The following PLXNA4 variants were observed in gnomAD, a reference collection of about 807,000 sequenced individuals.
The protein encoded by PLXNA4 is plexin A4, also known as plexin-A4.
PLXNA4 carries 44 observed loss-of-function variants against 191.8 expected under a neutral mutation model. The ratio of observed to expected loss-of-function variants is 0.23; its 90% CI spans 0.18 to 0.29. The LOEUF is 0.29. Among genes scored for constraint, PLXNA4 ranks in the 10% least tolerant of loss-of-function variants. PLXNA4 has a pLI of 1.00. For synonymous variants in PLXNA4, 1,082 were observed against 1,009.5 expected, an observed-to-expected ratio of 1.07 and a Z score of -1.36; for missense variants, 1,800 against 2,488.8, an observed-to-expected ratio of 0.72 and a Z score of 5.89.
At position 132,198,568 on chromosome 7, in the gene PLXNA4, C is replaced by T. The variant is rs764257252; in HGVS notation, c.2655G>A (p.Leu885=). The stretch of plus-strand genomic sequence containing the variant: ...CATGGGAGGCGATGTCGCGAAATTC[C>T]AGGCCCAGGTTCTCCCCTCGGATAG... ...KVTIRGENLG[L]EFRDIASHVK... The change falls in exon 13 of 32, where the codon CTG becomes CTA. Residue 885 remains leucine (L), a synonymous_variant. Coordinates refer to ENST00000321063, the MANE Select transcript of PLXNA4 (RefSeq NM_020911.2). 123 of 1,614,136 alleles carry T rather than the reference C, an allele frequency of 7.6e-5. No individual in the cohort carries two copies. The highest frequency in any genetic ancestry group is 1.0e-4 in the Non-Finnish European group (122 of 1,180,064).
At chr7:132,625,529 G>A (rs1803353405) in intron 2 of PLXNA4, among the ~76,000 whole-genome samples, 1 of 152,134 alleles carries the variant, frequency 6.6e-6, no homozygotes, top group South Asian at 2.1e-4. Flanking sequence ...TCAAGCACCA[G>A]AGAGACCATC....
intron 3 of PLXNA4, among the ~76,000 whole-genome samples, chr7:132,356,899 T>C (rs1224626677): frequency 6.6e-6 from 1 of 152,150 alleles, no homozygotes; most frequent in African/African-American, 2.4e-5. Context: ...GAACATGTAT[T>C]AGAGAGTCAA....
chr7:132,142,373 T>G (rs1183146496), intron 29 of PLXNA4, among the ~76,000 whole-genome samples: 1 of 152,326 alleles, frequency 6.6e-6, no homozygotes, highest in South Asian at 2.1e-4. Context: ...TTCTCACTGA[T>G]GGTAATAGTT....
intron 4 of PLXNA4, among the ~76,000 whole-genome samples, chr7:132,276,443 C>T (rs1800283497): frequency 6.6e-6 from 1 of 152,170 alleles, no homozygotes; most frequent in Non-Finnish European, 1.5e-5. Context: ...TGCAATGACC[C>T]CCCCTTTCCC....
intron 2 of PLXNA4, among the ~76,000 whole-genome samples, chr7:132,587,011 T>C (rs1563187754): frequency 1.3e-5 from 2 of 152,148 alleles, no homozygotes; most frequent in Non-Finnish European, 2.9e-5. Context: ...GTCAATGGGA[T>C]CGTAAGCTGT....
intron 8 of PLXNA4, among the ~76,000 whole-genome samples, chr7:132,224,620 A>G (rs1474502371): frequency 6.6e-6 from 1 of 152,208 alleles, no homozygotes; most frequent in Non-Finnish European, 1.5e-5. Flanking sequence ...TATGGGCTTA[A>G]TGAAAGCTTC....
chr7:132,356,964 G>A lies in PLXNA4; in HGVS notation c.1372-58742C>T, dbSNP rs995627861. ...GATGAGGAAGACAGAGGGGCCTGGG[G>A]AAGGATTCCTAAGGAAGGTTGTGAA... On this transcript the variant is annotated intron_variant, in intron 3 of 31. Coordinates refer to ENST00000321063, the MANE Select transcript of PLXNA4 (RefSeq NM_020911.2). 3.9e-5 allele frequency among the ~76,000 whole-genome samples: 6 copies of A among 152,258 alleles called. No individual in the cohort carries two copies. The East Asian group carries it at 5.8e-4, about 15-fold the overall frequency.
chr7:132,159,407 C>T, intron 25 of PLXNA4, 66 bp downstream of exon 25: 1 of 1,586,298 alleles, frequency 6.3e-7, no homozygotes, highest in Non-Finnish European at 8.6e-7. Context: ...CCTCTGCTGA[C>T]AGGAGAAGGT....
intron 3 of PLXNA4, among the ~76,000 whole-genome samples, chr7:132,343,339 C>G (rs983970336): frequency 6.6e-6 from 1 of 152,208 alleles, no homozygotes; most frequent in African/African-American, 2.4e-5. Flanking sequence ...ACCATCCATT[C>G]ATCCATGGAA....
intron 1 of PLXNA4, among the ~76,000 whole-genome samples, chr7:132,562,453 C>CTTCTCCTCCTCCTCCT (rs1352796122): frequency 4.2e-5 from 4 of 94,342 alleles, no homozygotes; most frequent in Non-Finnish European, 1.0e-4. Context: ...CCTCCTCCTC[C>CTTCTCCTCCTCCTCCT]TTCTCCTCCT....
At chr7:132,417,574 C>G (rs1794701162) in intron 3 of PLXNA4, among the ~76,000 whole-genome samples, 1 of 151,478 alleles carries the variant, frequency 6.6e-6, no homozygotes, top group South Asian at 2.1e-4. Flanking sequence ...TCCCAGTGTA[C>G]AGAAAAATGC....
chr7:132,643,102 G>C (rs529413057), intron 2 of PLXNA4, among the ~76,000 whole-genome samples: 63 of 152,148 alleles, frequency 4.1e-4, no homozygotes, highest in Admixed American at 1.5e-3. Context: ...GGAGGAGGAG[G>C]GGGAAGAAGA....
intron 5 of PLXNA4, among the ~76,000 whole-genome samples, chr7:132,239,703 C>T (rs1363412111): frequency 1.3e-5 from 2 of 152,212 alleles, no homozygotes; most frequent in Non-Finnish European, 2.9e-5. Context: ...CTGCCATCCT[C>T]TTCTATGCTG....
At chr7:132,430,777 T>C (rs1181263117) in intron 3 of PLXNA4, among the ~76,000 whole-genome samples, 1 of 152,180 alleles carries the variant, frequency 6.6e-6, no homozygotes, top group Non-Finnish European at 1.5e-5. Context: ...TTGAATCTTC[T>C]GAGCAAAGAT....
chr7:132,642,084 A>T (rs1803755082), intron 2 of PLXNA4, among the ~76,000 whole-genome samples: 1 of 152,238 alleles, frequency 6.6e-6, no homozygotes. Flanking sequence ...ATATATAAGC[A>T]AATTGCAAAG....
intron 1 of PLXNA4, among the ~76,000 whole-genome samples, chr7:132,544,263 C>G (rs910527308): frequency 6.6e-6 from 1 of 152,162 alleles, no homozygotes; most frequent in Non-Finnish European, 1.5e-5. Context: ...AACCCAAAAC[C>G]CTCCCAGAGG....
chr7:132,420,411 C>T (rs1180572768), intron 3 of PLXNA4, among the ~76,000 whole-genome samples: 1 of 152,184 alleles, frequency 6.6e-6, no homozygotes, highest in African/African-American at 2.4e-5. Context: ...TGCATAGAAT[C>T]TATGGCTGGG....
intron 3 of PLXNA4, among the ~76,000 whole-genome samples, chr7:132,419,958 C>A (rs1216448478): frequency 6.6e-6 from 1 of 152,038 alleles, no homozygotes; most frequent in East Asian, 1.9e-4. Flanking sequence ...AAATCCTTAG[C>A]TTATGGGCTG....
chr7:132,173,651 T>C (rs1437042848), intron 21 of PLXNA4, among the ~76,000 whole-genome samples: 1 of 152,242 alleles, frequency 6.6e-6, no homozygotes, highest in Non-Finnish European at 1.5e-5. Context: ...GTGCACAGCC[T>C]ACTACATTCC....
Sources: gnomAD v4.1 joint callset for allele counts (sites outside exome capture counted in the v4.1 genomes callset) on GRCh38, gnomAD v4.1.1 for gene constraint, MANE v1.5 for transcripts, NCBI Gene and HGNC (gene_info 2026-07-23, HGNC 2026-07-21) for gene names.